UBE2V2: variants seen among roughly 807,000 people sequenced by gnomAD.
UBE2V2 encodes the protein ubiquitin conjugating enzyme E2 V2, also known as ubiquitin-conjugating enzyme E2 variant 2.
In UBE2V2, 9 loss-of-function variants were observed where a neutral mutation model predicts 17.2. The observed-to-expected ratio is 0.52, with a 90% CI of 0.32 to 0.91. The LOEUF (loss-of-function observed/expected upper bound fraction) is 0.91. UBE2V2 is among the 40% of genes least tolerant of loss of function. UBE2V2 has a pLI of 0.04. For missense variants in UBE2V2, 133 were observed against 182.6 expected (o/e 0.73, Z 1.56); for synonymous variants, 61 against 57.5 (o/e 1.06, Z -0.28).
chr8:48,034,368 C>T lies in UBE2V2; in HGVS notation c.17-8665C>T, dbSNP rs1244022128. 3.3e-5 allele frequency among the ~76,000 whole-genome samples: 5 copies of T among 152,174 alleles called. No homozygotes were observed. In the East Asian group the frequency reaches 7.7e-4, roughly 24 times the overall value. On this transcript the variant is annotated intron_variant, in intron 1 of 3. Coordinates refer to ENST00000523111, the MANE Select transcript of UBE2V2 (RefSeq NM_003350.3). ...TCTCGAACTCCTGACCTTGTGATCC[C>T]CCTGCCTTGGCCTCCCAAAGTGCTG... is the stretch of plus-strand genomic sequence containing the variant.
intron 1 of UBE2V2, among the ~76,000 whole-genome samples, chr8:48,035,301 A>G (rs1301701262): frequency 6.6e-6 from 1 of 151,228 alleles, no homozygotes; most frequent in African/African-American, 2.4e-5. Flanking sequence ...TGGTATTTTT[A>G]GTAGAGACGG....
rs560327597 is a variant in UBE2V2 at position 48,021,552 on chromosome 8, C to T, written c.16+13082C>T. 5.9e-5 allele frequency among the ~76,000 whole-genome samples: 9 copies of T among 152,148 alleles called. No individual in the cohort carries two copies. In the South Asian group the frequency reaches 8.3e-4, roughly 14 times the overall value. On this transcript the variant is annotated intron_variant, in intron 1 of 3. Transcript: ENST00000523111. ...CAATCTCCTGACCTCGTGATCTGCC[C>T]GCCTTGGCCTCCCAAAGTGCTGGGA...
At chr8:48,012,676 C>T (rs1217898578) in intron 1 of UBE2V2, among the ~76,000 whole-genome samples, 1 of 151,660 alleles carries the variant, frequency 6.6e-6, no homozygotes, top group Non-Finnish European at 1.5e-5. Context: ...CGAGAGCACG[C>T]CATTGCATTC....
chr8:48,063,359 C>CT lies in UBE2V2; in HGVS notation c.*2533dup, dbSNP rs1802622316. The CT allele has an allele frequency of 6.6e-6, 1 of 152,216 alleles. No individual in the cohort carries two copies. The highest frequency in any genetic ancestry group is 1.5e-5 in the Non-Finnish European group (1 of 68,048). The allele number at this position is 152,216 out of a possible 1,614,324, so 9.4% of individuals were successfully genotyped here. On this transcript the variant is annotated 3_prime_UTR_variant, in exon 4 of 4. Coordinates refer to ENST00000523111, the MANE Select transcript of UBE2V2 (RefSeq NM_003350.3). ...TAAGAGGAATTAATATAGAAAAGCTCTTAATTATAATAACATTTGGAAGAA... is the reference window on the plus strand; with the variant it reads ...TAAGAGGAATTAATATAGAAAAGCTCTTTAATTATAATAACATTTGGAAGAA...
At chr8:48,030,081 T>C (rs1563853046) in intron 1 of UBE2V2, among the ~76,000 whole-genome samples, 1 of 152,216 alleles carries the variant, frequency 6.6e-6, no homozygotes, top group Non-Finnish European at 1.5e-5. Flanking sequence ...GCTACCTCAC[T>C]GGAGAATGTG....
chr8:48,053,650 T>C (rs899866300), intron 3 of UBE2V2, among the ~76,000 whole-genome samples: 5 of 151,720 alleles, frequency 3.3e-5, no homozygotes, highest in Non-Finnish European at 7.4e-5. Flanking sequence ...GGTCTCAAAC[T>C]CCTGACCTCA....
intron 2 of UBE2V2, among the ~76,000 whole-genome samples, chr8:48,043,848 C>T (rs2091480675): frequency 6.6e-6 from 1 of 151,786 alleles, no homozygotes; most frequent in Non-Finnish European, 1.5e-5. Flanking sequence ...GCAACTGGCC[C>T]ATTGTACTTT....
At chr8:48,002,335 T>G in the UBE2V2 span, among the ~76,000 whole-genome samples, 3 of 152,214 alleles carry the variant, frequency 2.0e-5, no homozygotes, top group African/African-American at 7.2e-5. Context: ...ATGTACACAG[T>G]AGAATACTAC....
chr8:48,034,280 A>G (rs961139109), intron 1 of UBE2V2, among the ~76,000 whole-genome samples: 1 of 151,904 alleles, frequency 6.6e-6, no homozygotes, highest in South Asian at 2.1e-4. Flanking sequence ...CGCCACCATG[A>G]AGCCAGGCTA....
At chr8:48,004,831 CT>C (rs2091173401), upstream of UBE2V2, among the ~76,000 whole-genome samples, 1 of 151,312 alleles carries the variant, frequency 6.6e-6, no homozygotes, top group African/African-American at 2.4e-5. Context: ...ACCTGGCCCC[CT>C]GCATTTTTTT....
At chr8:48,019,672 A>G (rs2091291914) in intron 1 of UBE2V2, among the ~76,000 whole-genome samples, 1 of 141,270 alleles carries the variant, frequency 7.1e-6, no homozygotes. Context: ...AAAATTAGCC[A>G]GGCGTGGTGG....
At chr8:48,012,292 G>C (rs1269794604) in intron 1 of UBE2V2, among the ~76,000 whole-genome samples, 1 of 152,160 alleles carries the variant, frequency 6.6e-6, no homozygotes, top group African/African-American at 2.4e-5. Context: ...AGTTACCCAT[G>C]CAATTCAAGA....
Position 48,027,216 on chromosome 8 carries a change from G to C in UBE2V2, c.17-15817G>C, listed in dbSNP as rs189526087. ...GGATTTTGCCAAGTTGGCCGGGCTG[G>C]TCTTGATCTCTTGACCTCAAGTGAT... On this transcript the variant is annotated intron_variant, in intron 1 of 3. Coordinates refer to ENST00000523111, the MANE Select transcript of UBE2V2 (RefSeq NM_003350.3). 2.9e-3 allele frequency among the ~76,000 whole-genome samples: 438 copies of C among 152,230 alleles called. 1 individual carries two copies. The highest frequency in any genetic ancestry group is 5.0e-3 in the Non-Finnish European group (338 of 68,012).
At chr8:48,048,060 G>C in intron 2 of UBE2V2, among the ~76,000 whole-genome samples, 1 of 145,180 alleles carries the variant, frequency 6.9e-6, no homozygotes, top group Non-Finnish European at 1.5e-5. Context: ...GAAATGCACA[G>C]ATGTGCCATG....
chr8:48,060,800 C>T lies in UBE2V2; in HGVS notation c.410C>T (p.Pro137Leu). 1 of 1,546,858 alleles carries T rather than the reference C, an allele frequency of 6.5e-7. No individual in the cohort carries two copies. The highest frequency in any genetic ancestry group is 8.7e-7 in the Non-Finnish European group (1 of 1,148,680). ...MSKENMKLPQ[P>L]PEGQTYNN ...AAAGAAAATATGAAGCTTCCACAGC[C>T]ACCAGAAGGACAAACATACAACAAT... Residue 137 changes from proline (P) to leucine (L), a missense_variant, in exon 4 of 4, where the codon CCA becomes CTA. By Grantham distance (98) the Pro-to-Leu change is moderately conservative. This residue lies in a region of UBE2V2 where 14 missense variants were observed against 38.1 expected (regional missense o/e 0.37). Coordinates refer to ENST00000523111, the MANE Select transcript of UBE2V2 (RefSeq NM_003350.3).
chr8:48,040,423 T>C (rs962958021), intron 1 of UBE2V2, among the ~76,000 whole-genome samples: 3 of 152,216 alleles, frequency 2.0e-5, no homozygotes, highest in African/African-American at 7.2e-5. Flanking sequence ...ATACCAAGAT[T>C]GCATTTGGTT....
chr8:48,027,432 G>A (rs564358700), intron 1 of UBE2V2, among the ~76,000 whole-genome samples: 83 of 152,192 alleles, frequency 5.5e-4, no homozygotes, highest in Non-Finnish European at 1.0e-3. Context: ...TCTCATTGTG[G>A]TTTTGATTTG....
chr8:48,040,557 C>T (rs1295723820), intron 1 of UBE2V2, among the ~76,000 whole-genome samples: 1 of 152,052 alleles, frequency 6.6e-6, no homozygotes, highest in African/African-American at 2.4e-5. Flanking sequence ...TGTACTGATT[C>T]CATATTTTCT....
At chr8:48,027,300 C>A (rs2091352374) in intron 1 of UBE2V2, among the ~76,000 whole-genome samples, 1 of 152,084 alleles carries the variant, frequency 6.6e-6, no homozygotes, top group Admixed American at 6.6e-5. Flanking sequence ...TCTGCCCGGG[C>A]CCAAAAGGAG....
Sources: allele counts gnomAD v4.1 joint callset (sites outside exome capture counted in the v4.1 genomes callset), GRCh38; gene constraint gnomAD v4.1.1; regional missense constraint gnomAD v4.1.1; transcripts MANE v1.5; gene names NCBI Gene and HGNC (gene_info 2026-07-23, HGNC 2026-07-21).